Variants in SYCP2L observed in about 807,000 individuals in gnomAD.
SYCP2L encodes synaptonemal complex protein 2-like.
In SYCP2L, 98 loss-of-function variants were observed where a neutral mutation model predicts 125.8. That is an observed-to-expected ratio of 0.78 (90% CI 0.66 to 0.92). SYCP2L has a LOEUF of 0.92. SYCP2L is among the 40% of genes least tolerant of loss of function. The pLI, the probability that SYCP2L is intolerant of heterozygous loss-of-function variation, is 0.00. For synonymous variants in SYCP2L, 317 were observed against 325.4 expected, an observed-to-expected ratio of 0.97 and a Z score of 0.28; for missense variants, 842 against 936.4, an observed-to-expected ratio of 0.90 and a Z score of 1.32.
chr6:10,941,791 A>G (rs1256964303), intron 21 of SYCP2L, among the ~76,000 whole-genome samples: 8 of 152,218 alleles, frequency 5.3e-5, no homozygotes, highest in Admixed American at 3.3e-4. Flanking sequence ...TGACCCAGCC[A>G]TCCCATTACT....
intron 14 of SYCP2L, among the ~76,000 whole-genome samples, chr6:10,921,863 A>G (rs1035753805): frequency 6.6e-6 from 1 of 150,920 alleles, no homozygotes; most frequent in Non-Finnish European, 1.5e-5. Flanking sequence ...CCGCCACCAC[A>G]CCTGGCTAAT....
intron 4 of SYCP2L, among the ~76,000 whole-genome samples, chr6:10,897,417 T>G (rs1780276422): frequency 6.6e-6 from 1 of 151,618 alleles, no homozygotes; most frequent in Admixed American, 6.6e-5. Context: ...TCTCTTTTTT[T>G]TTTTTTTTTG....
At chr6:10,910,246 T>G in intron 11 of SYCP2L, 46 bp downstream of exon 11, 1 of 1,546,598 alleles carries the variant, frequency 6.5e-7, no homozygotes, top group Non-Finnish European at 8.9e-7. Flanking sequence ...ATTCTGAAAA[T>G]GTCTAATATT....
chr6:10,972,953 G>C (rs1171729806), intron 29 of SYCP2L, among the ~76,000 whole-genome samples: 1 of 152,190 alleles, frequency 6.6e-6, no homozygotes, highest in African/African-American at 2.4e-5. Context: ...AATCCGGAGA[G>C]GTGAAAATTT....
In SYCP2L at chr6:10,942,751, G is replaced by A. The variant is rs1781246525; in HGVS notation, c.1954+5G>A. On this transcript the variant is annotated splice_donor_5th_base_variant and intron_variant, in intron 23 of 29. Coordinates refer to ENST00000283141, the MANE Select transcript of SYCP2L (RefSeq NM_001040274.3). Reference sequence around the variant, plus strand: ...TGAGAAACTTGGAAGACAAAGGTAAGAGAATAGTACTTTTTTTTTTTTTTT... The same window carrying A: ...TGAGAAACTTGGAAGACAAAGGTAAAAGAATAGTACTTTTTTTTTTTTTTT... 1 of 1,574,374 alleles carries A rather than the reference G, an allele frequency of 6.4e-7. No homozygotes were observed. Among genetic ancestry groups the A allele is most frequent in the Non-Finnish European group, 8.6e-7 (1 of 1,161,784 alleles).
chr6:10,935,720 C>T (rs998489874), intron 21 of SYCP2L, among the ~76,000 whole-genome samples: 1 of 152,098 alleles, frequency 6.6e-6, no homozygotes, highest in African/African-American at 2.4e-5. Flanking sequence ...GTCTGGAACT[C>T]CTGACCTCAA....
At chr6:10,897,647 A>G (rs773885619) in intron 4 of SYCP2L, among the ~76,000 whole-genome samples, 7 of 152,116 alleles carry the variant, frequency 4.6e-5, no homozygotes, top group Non-Finnish European at 8.8e-5. Flanking sequence ...CCTGGCCTCA[A>G]GTGATCCACC....
chr6:10,892,770 C>CA (rs1186628008), intron 2 of SYCP2L, among the ~76,000 whole-genome samples: 2 of 151,954 alleles, frequency 1.3e-5, no homozygotes, highest in Non-Finnish European at 2.9e-5. Flanking sequence ...ACACTTGGCA[C>CA]AAAAAAGCTC....
At chr6:10,929,357 AGCAGCTGAAT>A (rs1196203894) in intron 18 of SYCP2L, among the ~76,000 whole-genome samples, 12 of 152,166 alleles carry the variant, frequency 7.9e-5, no homozygotes, top group Non-Finnish European at 1.6e-4. Flanking sequence ...ATGAACTATT[AGCAGCTGAAT>A]GCTACAGCCC....
chr6:10,942,629 C>A, intron 22 of SYCP2L, 48 bp from the exon 23 acceptor site: 1 of 1,605,578 alleles, frequency 6.2e-7, no homozygotes. Context: ...CCACTTGTTT[C>A]TTGCTTTGCC....
rs576257549 is a variant in SYCP2L at position 10,914,818 on chromosome 6, C to T, written c.1072+1891C>T. 2.4e-3 allele frequency among the ~76,000 whole-genome samples: 344 copies of T among 145,428 alleles called. 2 individuals carry two copies. The highest frequency in any genetic ancestry group is 0.01 in the South Asian group (45 of 4,494). On this transcript the variant is annotated intron_variant, in intron 14 of 29. Transcript: ENST00000283141. ...AGTGAGTACAGTGGTGTGATCTCAACTCACTGCAACCTCTGCCTCCTGGGT... is the reference window on the plus strand; with the variant it reads ...AGTGAGTACAGTGGTGTGATCTCAATTCACTGCAACCTCTGCCTCCTGGGT...
At chr6:10,960,413 G>C (rs982785124) in intron 26 of SYCP2L, among the ~76,000 whole-genome samples, 1 of 152,128 alleles carries the variant, frequency 6.6e-6, no homozygotes, top group African/African-American at 2.4e-5. Context: ...GGGCAATGTC[G>C]GATACCAGGC....
chr6:10,909,069 G>A (rs1780557444), intron 10 of SYCP2L, among the ~76,000 whole-genome samples: 1 of 141,116 alleles, frequency 7.1e-6, no homozygotes, highest in Admixed American at 7.0e-5. Flanking sequence ...TAATTATCTT[G>A]TTTCCAAAAT....
intron 15 of SYCP2L, among the ~76,000 whole-genome samples, 182 bp downstream of exon 15, chr6:10,924,823 C>G (rs1780869609): frequency 6.6e-6 from 1 of 152,150 alleles, no homozygotes; most frequent in Admixed American, 6.6e-5. Context: ...TTTGATGGGT[C>G]ATTGTCTTGA....
intron 15 of SYCP2L, 116 bp downstream of exon 15, chr6:10,924,757 T>A (rs1780868439): frequency 9.8e-7 from 1 of 1,021,078 alleles, no homozygotes; most frequent in African/African-American, 1.7e-5. Context: ...ACCTGGTCTT[T>A]CAAATGCCAT....
intron 20 of SYCP2L, among the ~76,000 whole-genome samples, chr6:10,933,182 A>C (rs532976521): frequency 6.6e-6 from 1 of 152,378 alleles, no homozygotes; most frequent in South Asian, 2.1e-4. Flanking sequence ...GTATAAGAGA[A>C]TAATTTACAG....
chr6:10,929,779 A>G (rs1780957973), intron 18 of SYCP2L, among the ~76,000 whole-genome samples: 1 of 150,918 alleles, frequency 6.6e-6, no homozygotes, highest in African/African-American at 2.4e-5. Context: ...TAGTAAAAGT[A>G]CAAAAAAAAA....
intron 27 of SYCP2L, 48 bp downstream of exon 27, chr6:10,961,452 G>A (rs967157607): frequency 3.1e-6 from 5 of 1,613,540 alleles, no homozygotes; most frequent in Middle Eastern, 1.7e-4. Context: ...ATCTTTCCCA[G>A]GGAAAAATAA....
intron 8 of SYCP2L, among the ~76,000 whole-genome samples, chr6:10,905,812 G>A (rs919008266): frequency 2.2e-4 from 34 of 152,118 alleles, no homozygotes; most frequent in African/African-American, 8.2e-4. Context: ...AGTAGTTCTA[G>A]CATCTTAAAA....
Sources: allele counts gnomAD v4.1 joint callset (sites outside exome capture counted in the v4.1 genomes callset), GRCh38; gene constraint gnomAD v4.1.1; transcripts MANE v1.5; gene names NCBI Gene and HGNC (gene_info 2026-07-23, HGNC 2026-07-21).